SREBF2: variants seen among roughly 807,000 people sequenced by gnomAD.
SREBF2 encodes the protein sterol regulatory element-binding protein 2.
In SREBF2, 55 loss-of-function variants were observed where a neutral mutation model predicts 113.1. The ratio of observed to expected loss-of-function variants is 0.49; its 90% confidence interval spans 0.39 to 0.61. The LOEUF is 0.61. Ranked by LOEUF, SREBF2 falls within the 20% of genes least tolerant of loss-of-function variation. The pLI, the probability that SREBF2 is intolerant of heterozygous loss-of-function variation, is 0.00. For missense variants in SREBF2, 1,349 were observed against 1,487.4 expected (o/e 0.91, Z 1.53); for synonymous variants, 593 against 605.7 (o/e 0.98, Z 0.31).
chr22:41,846,607 A>G (rs547199752), intron 1 of SREBF2, among the ~76,000 whole-genome samples: 1 of 152,342 alleles, frequency 6.6e-6, no homozygotes, highest in East Asian at 1.9e-4. Flanking sequence ...ACATGGTAGC[A>G]TTAAGTCAGG....
At chr22:41,881,712 A>C (rs1364776194) in intron 10 of SREBF2, among the ~76,000 whole-genome samples, 1 of 152,178 alleles carries the variant, frequency 6.6e-6, no homozygotes, top group Non-Finnish European at 1.5e-5. Context: ...GTAGTGTATC[A>C]GTAGGATTCA....
chr22:41,840,686 C>G (rs1320349776), intron 1 of SREBF2, among the ~76,000 whole-genome samples: 1 of 152,164 alleles, frequency 6.6e-6, no homozygotes, highest in Non-Finnish European at 1.5e-5. Flanking sequence ...AAATCTGATG[C>G]CATTTCCATT....
chr22:41,857,976 T>G (rs1463852861), intron 1 of SREBF2, among the ~76,000 whole-genome samples: 1 of 152,216 alleles, frequency 6.6e-6, no homozygotes, highest in Non-Finnish European at 1.5e-5. Flanking sequence ...AAAGCAGTGA[T>G]GATCACAAAT....
At chr22:41,883,659 C>T (rs2077271187) in intron 10 of SREBF2, among the ~76,000 whole-genome samples, 1 of 152,176 alleles carries the variant, frequency 6.6e-6, no homozygotes, top group South Asian at 2.1e-4. Context: ...ACTGCCCTCT[C>T]ACCTCCCTTC....
At chr22:41,840,649 C>T (rs550252168) in intron 1 of SREBF2, among the ~76,000 whole-genome samples, 1 of 152,320 alleles carries the variant, frequency 6.6e-6, no homozygotes, top group Admixed American at 6.5e-5. Context: ...AAGGCATTGT[C>T]TGATTATCTT....
chr22:41,898,941 A>G, intron 15 of SREBF2, 160 bp downstream of exon 15: 1 of 1,058,460 alleles, frequency 9.4e-7, no homozygotes, highest in Non-Finnish European at 1.4e-6. Flanking sequence ...ACCATGGAGA[A>G]CTCAAGTTGG....
intron 1 of SREBF2, among the ~76,000 whole-genome samples, chr22:41,835,474 C>A (rs1392795263): frequency 6.6e-6 from 1 of 151,892 alleles, no homozygotes; most frequent in Admixed American, 6.6e-5. Flanking sequence ...CCACGCCCGG[C>A]TAATTTTGTA....
intron 3 of SREBF2, among the ~76,000 whole-genome samples, chr22:41,870,341 T>C (rs1026745976): frequency 6.6e-6 from 1 of 152,000 alleles, no homozygotes; most frequent in Non-Finnish European, 1.5e-5. Context: ...ACCCATGACC[T>C]GGCTGAGCAC....
At chr22:41,890,753 T>C (rs1317487644) in intron 11 of SREBF2, among the ~76,000 whole-genome samples, 2 of 151,358 alleles carry the variant, frequency 1.3e-5, no homozygotes, top group African/African-American at 2.4e-5. Context: ...ACTAAAAATA[T>C]AAAAATTAGC....
chr22:41,904,636 T>C (rs1274649782), intron 17 of SREBF2: 1 of 697,218 alleles, frequency 1.4e-6, no homozygotes, highest in Admixed American at 2.0e-5. Flanking sequence ...AGCAGGCCTT[T>C]TGCCTCTCTC....
chr22:41,837,000 A>G (rs1052648285), intron 1 of SREBF2, among the ~76,000 whole-genome samples: 2 of 152,240 alleles, frequency 1.3e-5, no homozygotes, highest in African/African-American at 2.4e-5. Context: ...CTAAGTATTC[A>G]TGATGGACAA....
intron 1 of SREBF2, among the ~76,000 whole-genome samples, 169 bp from the exon 2 acceptor site, chr22:41,866,662 A>C (rs1569387773): frequency 6.6e-6 from 1 of 152,240 alleles, no homozygotes; most frequent in Non-Finnish European, 1.5e-5. Flanking sequence ...GACCTTGGGC[A>C]GCCATCTTGG....
intron 16 of SREBF2, chr22:41,901,080 T>C (rs1279359363): frequency 4.5e-6 from 2 of 445,058 alleles, no homozygotes; most frequent in Non-Finnish European, 4.6e-6. Context: ...GGGATCCTGA[T>C]AGAGGGCACT....
At chr22:41,876,431 T>C (rs1257931003) in intron 7 of SREBF2, among the ~76,000 whole-genome samples, 1 of 152,246 alleles carries the variant, frequency 6.6e-6, no homozygotes, top group East Asian at 1.9e-4. Flanking sequence ...TGGTTCTGTT[T>C]GGCAACAACA....
chr22:41,868,895 C>T, intron 3 of SREBF2, 103 bp downstream of exon 3: 3 of 1,458,148 alleles, frequency 2.1e-6, no homozygotes, highest in Non-Finnish European at 2.8e-6. Context: ...CCAGAGTGTA[C>T]ACAAAGCAGC....
chr22:41,865,448 T>G (rs982135211), intron 1 of SREBF2, among the ~76,000 whole-genome samples: 1 of 152,160 alleles, frequency 6.6e-6, no homozygotes, highest in African/African-American at 2.4e-5. Context: ...TCCTGACTTC[T>G]ATAGGGACCA....
chr22:41,895,993 T>G (rs1166211357), intron 13 of SREBF2, among the ~76,000 whole-genome samples: 1 of 151,796 alleles, frequency 6.6e-6, no homozygotes, highest in Non-Finnish European at 1.5e-5. Context: ...TACAAAAAAT[T>G]AGCCAGGCGT....
intron 8 of SREBF2, among the ~76,000 whole-genome samples, chr22:41,877,690 G>A (rs761817674): frequency 3.3e-5 from 5 of 152,188 alleles, no homozygotes; most frequent in Non-Finnish European, 7.3e-5. Flanking sequence ...ATTTGAAGGA[G>A]GATATCGTGT....
Position 41,862,028 on chromosome 22 carries a change from C to CAAA in SREBF2, c.89-4803_89-4802insAAA, listed in dbSNP as rs1328152046. 2.4e-3 allele frequency among the ~76,000 whole-genome samples: 367 copies of CAAA among 152,266 alleles called. 4 individuals carry two copies. The highest frequency in any genetic ancestry group is 8.2e-3 in the African/African-American group (342 of 41,558). On this transcript the variant is annotated intron_variant, in intron 1 of 18. Transcript: ENST00000361204. ...CTAGGTTTCCCAGCCCCTAATAGGGCTGGGTAACAAATACCTGTTAAAGGA... is the reference window on the plus strand; with the variant it reads ...CTAGGTTTCCCAGCCCCTAATAGGGCAAATGGGTAACAAATACCTGTTAAAGGA...
Sources: gnomAD v4.1 joint callset for allele counts (sites outside exome capture counted in the v4.1 genomes callset) on GRCh38, gnomAD v4.1.1 for gene constraint, MANE v1.5 for transcripts, NCBI Gene and HGNC (gene_info 2026-07-23, HGNC 2026-07-21) for gene names.